WWOX: variants seen among roughly 807,000 people sequenced by gnomAD.
The protein encoded by WWOX is WW domain containing oxidoreductase, also known as WW domain-containing oxidoreductase.
In WWOX, 69 loss-of-function variants were observed where a neutral mutation model predicts 46.2. That is an observed-to-expected ratio of 1.49 (90% CI 1.23 to 1.82). The LOEUF is 1.82. Ranked by LOEUF, WWOX falls within the 40% of genes most tolerant of loss-of-function variation. The pLI is 0.00. For missense variants in WWOX, 919 were observed against 542.6 expected (o/e 1.69, Z -6.89); for synonymous variants, 359 against 202.6 (o/e 1.77, Z -6.56).
At chr16:78,920,502 C>T (rs2045354276) in intron 8 of WWOX, among the ~76,000 whole-genome samples, 2 of 152,132 alleles carry the variant, frequency 1.3e-5, no homozygotes. Context: ...TGCCTGCATC[C>T]CCAACCCAGC....
chr16:78,886,260 T>A (rs16948747), intron 8 of WWOX, among the ~76,000 whole-genome samples: 2,521 of 151,682 alleles, frequency 0.017, 67 homozygotes, highest in African/African-American at 0.054. Flanking sequence ...CCATACCCAT[T>A]GTACACATTT....
intron 8 of WWOX, among the ~76,000 whole-genome samples, chr16:79,168,964 C>G (rs1309262952): frequency 6.6e-6 from 1 of 152,236 alleles, no homozygotes; most frequent in Non-Finnish European, 1.5e-5. Flanking sequence ...AACTGGCCCA[C>G]TGTAAAAATC....
intron 8 of WWOX, among the ~76,000 whole-genome samples, chr16:78,858,914 A>T (rs2052635294): frequency 6.7e-6 from 1 of 149,094 alleles, no homozygotes; most frequent in South Asian, 2.1e-4. Context: ...CCTGGGCTCA[A>T]GTTACCCTCC....
chr16:78,276,517 T>A (rs1272003964), intron 5 of WWOX, among the ~76,000 whole-genome samples: 1 of 152,222 alleles, frequency 6.6e-6, no homozygotes, highest in East Asian at 1.9e-4. Flanking sequence ...CCCACTCTTC[T>A]CCCTTTTCTC....
chr16:78,109,660 C>G, intron 2 of WWOX, 118 bp from the exon 3 acceptor site: 6 of 966,298 alleles, frequency 6.2e-6, no homozygotes, highest in Non-Finnish European at 9.7e-6. Context: ...GATGTGACAA[C>G]TGCTGGGTGG....
chr16:79,207,758 C>A (rs2051567364), intron 8 of WWOX, among the ~76,000 whole-genome samples: 1 of 151,054 alleles, frequency 6.6e-6, no homozygotes. Flanking sequence ...GAGTACTAAC[C>A]AATGCATTAC....
At position 78,186,346 on chromosome 16, in the gene WWOX, A is replaced by T. The variant is rs1356188181; in HGVS notation, c.516+22057A>T. On this transcript the variant is annotated intron_variant, in intron 5 of 8. Transcript: ENST00000566780. Reference sequence around the variant, plus strand: ...AGAGGGTAACCACTGGAGAGGAAAAAAGTACAATTTGGTATTTTTGTCACA... The same window carrying T: ...AGAGGGTAACCACTGGAGAGGAAAATAGTACAATTTGGTATTTTTGTCACA... Among the ~76,000 whole-genome samples the T allele has an allele frequency of 2.0e-5, 3 of 152,182 alleles. No homozygotes were observed. In the East Asian group the frequency reaches 5.8e-4, roughly 29 times the overall value.
chr16:79,048,591 A>C (rs1223595658), intron 8 of WWOX, among the ~76,000 whole-genome samples: 1 of 152,192 alleles, frequency 6.6e-6, no homozygotes. Flanking sequence ...TGCCATTAAC[A>C]TAACGTATGC....
intron 8 of WWOX, among the ~76,000 whole-genome samples, chr16:78,574,959 A>C (rs2044812988): frequency 8.0e-6 from 1 of 125,264 alleles, no homozygotes; most frequent in African/African-American, 2.8e-5. Flanking sequence ...TCAAATCATT[A>C]CTTTATAGAC....
chr16:78,927,853 T>A (rs1394017353), intron 8 of WWOX, among the ~76,000 whole-genome samples: 2 of 152,230 alleles, frequency 1.3e-5, no homozygotes, highest in Non-Finnish European at 2.9e-5. Context: ...CTGTTTATTT[T>A]TGTTTCTAAC....
rs75886534 is a variant in WWOX at position 78,918,887 on chromosome 16, C to T, written c.1057-292721C>T. On this transcript the variant is annotated intron_variant, in intron 8 of 8. Coordinates refer to ENST00000566780, the MANE Select transcript of WWOX (RefSeq NM_016373.4). ...ATATGAGCACTTTCTCTTGTCTTTT[C>T]TGAGCTACCTATTCCAAGAACACAG... is the stretch of plus-strand genomic sequence containing the variant. Among the ~76,000 whole-genome samples, 1,217 of 152,270 alleles carry T rather than the reference C, an allele frequency of 8.0e-3. 17 individuals are homozygous for T. The highest frequency in any genetic ancestry group is 0.027 in the African/African-American group (1,142 of 41,546).
At chr16:78,713,273 CAAAAAAAAAAAAA>C (rs5818165) in intron 8 of WWOX, among the ~76,000 whole-genome samples, 4 of 17,044 alleles carry the variant, frequency 2.3e-4, no homozygotes, top group African/African-American at 5.7e-4. Context: ...GACTCTGTCT[CAAAAAAAAAAAAA>C]AAAAAAAAAA....
At chr16:78,213,956 C>A (rs1004133879) in intron 5 of WWOX, among the ~76,000 whole-genome samples, 9 of 152,152 alleles carry the variant, frequency 5.9e-5, no homozygotes, top group African/African-American at 2.2e-4. Context: ...CCCGCGCCTC[C>A]CCTGTACAGC....
At chr16:78,729,959 C>G (rs1001715150) in intron 8 of WWOX, among the ~76,000 whole-genome samples, 3 of 152,156 alleles carry the variant, frequency 2.0e-5, no homozygotes, top group Non-Finnish European at 4.4e-5. Flanking sequence ...AATCGAAGGT[C>G]ATAGTTTCCT....
In WWOX at chr16:78,361,971, CT is replaced by C. The variant is rs56026502; in HGVS notation, c.517-24876del. 8.2e-3 allele frequency among the ~76,000 whole-genome samples: 1,142 copies of C among 138,548 alleles called. 14 individuals are homozygous for C. Among genetic ancestry groups the C allele is most frequent in the Non-Finnish European group, 0.012 (745 of 64,750 alleles). The allele number at this position is 138,548 out of a possible 152,430, so 90.9% of individuals were successfully genotyped here. ...ATTAGCGTAGATTCACAGGTATTTC[CT>C]TTTTTTTTTTTTGATTTATTAATAC... On this transcript the variant is annotated intron_variant, in intron 5 of 8. Coordinates refer to ENST00000566780, the MANE Select transcript of WWOX (RefSeq NM_016373.4).
chr16:78,772,706 G>GGAAC (rs1225084852), intron 8 of WWOX, among the ~76,000 whole-genome samples: 1 of 152,150 alleles, frequency 6.6e-6, no homozygotes, highest in Non-Finnish European at 1.5e-5. Context: ...CCACAGGAGG[G>GGAAC]GAACAGAGGC....
At chr16:78,480,423 G>T (rs959869092) in intron 8 of WWOX, among the ~76,000 whole-genome samples, 3 of 152,192 alleles carry the variant, frequency 2.0e-5, no homozygotes, top group African/African-American at 7.2e-5. Flanking sequence ...TTTATTGGGT[G>T]GCAGGTACTG....
rs1480112912 is a variant in WWOX at position 78,427,889 on chromosome 16, G to A, written c.791+2834G>A. Among the ~76,000 whole-genome samples, 10 of 152,258 alleles carry A rather than the reference G, an allele frequency of 6.6e-5. No individual in the cohort carries two copies. The East Asian group carries it at 7.7e-4, about 12-fold the overall frequency. On this transcript the variant is annotated intron_variant, in intron 7 of 8. Coordinates refer to ENST00000566780, the MANE Select transcript of WWOX (RefSeq NM_016373.4). ...TCGAGATCAGCCTAGCCAGCATGGC[G>A]AAACCCCATCTCTACTAAAAATACA...
intron 8 of WWOX, among the ~76,000 whole-genome samples, chr16:79,052,893 C>G (rs1240561526): frequency 6.9e-6 from 1 of 144,392 alleles, no homozygotes; most frequent in Non-Finnish European, 1.5e-5. Flanking sequence ...ACTAATATGT[C>G]TGCAATCGAT....
Sources: gnomAD v4.1 joint callset for allele counts (sites outside exome capture counted in the v4.1 genomes callset) on GRCh38, gnomAD v4.1.1 for gene constraint, MANE v1.5 for transcripts, NCBI Gene and HGNC (gene_info 2026-07-23, HGNC 2026-07-21) for gene names.